Variants in LRRC27 observed in about 807,000 individuals in gnomAD.
LRRC27 encodes the protein leucine-rich repeat-containing protein 27.
LRRC27 carries 57 observed loss-of-function variants against 55.0 expected under a neutral mutation model. The observed-to-expected ratio is 1.04, with a 90% CI of 0.84 to 1.29. LRRC27 has a LOEUF of 1.29. Among genes scored for constraint, LRRC27 ranks in the 50% most tolerant of loss-of-function variants. The probability of loss-of-function intolerance (pLI) is 0.00; values close to 1 mark genes in which losing one functional copy is unlikely to be tolerated. For synonymous variants in LRRC27, 278 were observed against 251.9 expected, an observed-to-expected ratio of 1.10 and a Z score of -0.98; for missense variants, 721 against 651.5, an observed-to-expected ratio of 1.11 and a Z score of -1.16.
At chr10:132,330,518 CTT>C (rs71694648), upstream of LRRC27, 408 of 700,352 alleles carry the variant, frequency 5.8e-4, no homozygotes, top group African/African-American at 6.5e-3. Context: ...TGTACGAAAA[CTT>C]TTTTTTTGAG....
At chr10:132,331,608 C>T, upstream of LRRC27, 2 of 1,612,898 alleles carry the variant, frequency 1.2e-6, no homozygotes, top group Non-Finnish European at 1.7e-6. Flanking sequence ...GGAGTGAGCC[C>T]AGCGGGAAGG....
chr10:132,355,041 G>A (rs2068244619), intron 7 of LRRC27, among the ~76,000 whole-genome samples: 1 of 152,226 alleles, frequency 6.6e-6, no homozygotes, highest in South Asian at 2.1e-4. Flanking sequence ...GACTCTGGCT[G>A]CAGACTGCGG....
rs529170033 is a variant in LRRC27, at chr10:132,364,675, C to T, written c.1290-749C>T. Among the ~76,000 whole-genome samples, 37 of 118,836 alleles carry T rather than the reference C, an allele frequency of 3.1e-4. 1 individual carries two copies. The highest frequency in any genetic ancestry group is 5.0e-4 in the Non-Finnish European group (28 of 55,560). The allele number at this position is 118,836 out of a possible 152,430, so 78.0% of individuals were successfully genotyped here. A position where few individuals can be genotyped will look rare whatever the true frequency, so the allele number is the denominator to read the frequency against. On this transcript the variant is annotated intron_variant, in intron 9 of 10. Coordinates refer to ENST00000368614, the MANE Select transcript of LRRC27 (RefSeq NM_030626.3). Reference sequence around the variant, plus strand: ...ACACTTACATCTACCTGCACACCCACGCTTACACCCACGTCCACACCGTGG... The same window carrying T: ...ACACTTACATCTACCTGCACACCCATGCTTACACCCACGTCCACACCGTGG...
At chr10:132,352,148 GCGC>G (rs771467001) in intron 7 of LRRC27, among the ~76,000 whole-genome samples, 2,238 of 82,194 alleles carry the variant, frequency 0.027, 365 homozygotes, top group Admixed American at 0.061. Flanking sequence ...TGTGGGGCAG[GCGC>G]TGAGGCCTCC....
chr10:132,366,716 G>A (rs1431750764), intron 10 of LRRC27: 4 of 603,214 alleles, frequency 6.6e-6, no homozygotes, highest in South Asian at 5.0e-5. Context: ...AGGCTGGTGC[G>A]AGCTGCATCG....
At chr10:132,364,579 T>G (rs1564854168) in intron 9 of LRRC27, among the ~76,000 whole-genome samples, 1 of 9,600 alleles carries the variant, frequency 1.0e-4, no homozygotes, top group Non-Finnish European at 2.0e-4. Context: ...GTCCACACCC[T>G]GGGGCCCCAC....
At chr10:132,339,339 A>G (rs962918227) in intron 3 of LRRC27, among the ~76,000 whole-genome samples, 3 of 152,236 alleles carry the variant, frequency 2.0e-5, no homozygotes, top group African/African-American at 7.2e-5. Context: ...GTATTTTGCC[A>G]CAGGTAATGG....
chr10:132,368,032 C>T (rs188891555), intron 10 of LRRC27, among the ~76,000 whole-genome samples: 11 of 152,302 alleles, frequency 7.2e-5, no homozygotes, highest in South Asian at 6.2e-4. Flanking sequence ...GGTTAATATA[C>T]ATAAGTCAGT....
At chr10:132,352,074 G>A (rs567196629) in intron 7 of LRRC27, among the ~76,000 whole-genome samples, 1 of 101,938 alleles carries the variant, frequency 9.8e-6, no homozygotes, top group Admixed American at 9.0e-5. Context: ...GGCAGGCGCA[G>A]GTGCAGCGCT....
chr10:132,339,543 C>T (rs536846865), intron 3 of LRRC27, among the ~76,000 whole-genome samples: 5 of 152,254 alleles, frequency 3.3e-5, no homozygotes, highest in Admixed American at 6.5e-5. Flanking sequence ...GTACATCTGC[C>T]GAGCCCGGCC....
chr10:132,337,538 A>T (rs370086057), intron 2 of LRRC27, 27 bp from the exon 3 acceptor site: 79 of 1,606,964 alleles, frequency 4.9e-5, no homozygotes, highest in Non-Finnish European at 6.1e-5. Context: ...TTAACAAAAC[A>T]TTCTCTGATT....
chr10:132,332,798 C>G (rs1283233842), intron 1 of LRRC27, among the ~76,000 whole-genome samples: 2 of 152,080 alleles, frequency 1.3e-5, no homozygotes, highest in African/African-American at 4.8e-5. Flanking sequence ...AATCATTGGG[C>G]TGTTGAGTGA....
Position 132,351,640 on chromosome 10 carries a change from C to T in LRRC27, c.960C>T (p.Pro320=), listed in dbSNP as rs199532296. The T allele has an allele frequency of 1.1e-5, 18 of 1,613,976 alleles. No individual in the cohort carries two copies. Among genetic ancestry groups the T allele is most frequent in the African/African-American group, 8.0e-5 (6 of 74,918 alleles). Residue 320 remains proline (P), a synonymous_variant, in exon 7 of 11, where the codon CCC becomes CCT. Transcript: ENST00000368614. Reference sequence around the variant, plus strand: ...CAGCCTCCTCCAGGAGCATCTTACCCGACCTCTTGTCACCGTACCAAATGG... The same window carrying T: ...CAGCCTCCTCCAGGAGCATCTTACCTGACCTCTTGTCACCGTACCAAATGG... ...RKTASSRSIL[P]DLLSPYQMAI...
At chr10:132,333,774 C>A in intron 2 of LRRC27, 40 bp downstream of exon 2, 1 of 1,504,104 alleles carries the variant, frequency 6.6e-7, no homozygotes, top group Non-Finnish European at 9.2e-7. Context: ...CCCACAGGTC[C>A]CCTATAGACA....
At chr10:132,364,368 T>G (rs368474695) in intron 9 of LRRC27, among the ~76,000 whole-genome samples, 3 of 1,552 alleles carry the variant, frequency 1.9e-3, no homozygotes, top group African/African-American at 5.3e-3. Flanking sequence ...CACCCGCGCT[T>G]ACACCCACCC....
Position 132,336,217 on chromosome 10 carries a change from G to T in LRRC27, c.211-1348G>T, listed in dbSNP as rs184759924. Among the ~76,000 whole-genome samples the T allele has an allele frequency of 7.7e-4, 97 of 126,348 alleles. 2 individuals are homozygous for T. The South Asian group carries it at 0.023, about 30-fold the overall frequency. 82.9% of individuals were successfully genotyped at this position (126,348 alleles called of 152,430 possible). ...CTGAGCACTGGAATCAGCTTGCCCT[G>T]GGGGGGGAAGAACAGGACCAAGAAG... On this transcript the variant is annotated intron_variant, in intron 2 of 10. Transcript: ENST00000368614.
chr10:132,342,327 G>T, intron 4 of LRRC27, 56 bp downstream of exon 4: 1 of 1,166,606 alleles, frequency 8.6e-7, no homozygotes, highest in Non-Finnish European at 1.2e-6. Context: ...GAACTTGCCA[G>T]ACCTTGTAAT....
chr10:132,335,160 CTT>C (rs1488356102), intron 2 of LRRC27: 1 of 152,270 alleles, frequency 6.6e-6, no homozygotes, highest in East Asian at 1.9e-4. Flanking sequence ...GGAAGAAAGA[CTT>C]TTTAATGACG....
At chr10:132,364,399 AT>A (rs1564853132) in intron 9 of LRRC27, among the ~76,000 whole-genome samples, 1 of 148,756 alleles carries the variant, frequency 6.7e-6, no homozygotes, top group African/African-American at 2.5e-5. Context: ...CCACCCTTAC[AT>A]CTACCTCCAC....
Sources: allele counts gnomAD v4.1 joint callset (sites outside exome capture counted in the v4.1 genomes callset), GRCh38; gene constraint gnomAD v4.1.1; transcripts MANE v1.5; gene names NCBI Gene and HGNC (gene_info 2026-07-23, HGNC 2026-07-21).